Variants in KLF12 observed in about 807,000 individuals in gnomAD.
KLF12 encodes the protein Krueppel-like factor 12.
A neutral mutation model predicts 37.8 loss-of-function variants in KLF12; 9 were observed. That is an observed-to-expected ratio of 0.24 (90% CI 0.14 to 0.42). The LOEUF (loss-of-function observed/expected upper bound fraction) is 0.42. Ranked by LOEUF, KLF12 falls within the 10% of genes least tolerant of loss-of-function variation. The pLI is 1.00. For synonymous variants in KLF12, 208 were observed against 202.1 expected (o/e 1.03, Z -0.25); for missense variants, 411 against 516.0 (o/e 0.80, Z 1.97).
chr13:74,016,221 G>A (rs896836677), intron 1 of KLF12, among the ~76,000 whole-genome samples: 1 of 152,104 alleles, frequency 6.6e-6, no homozygotes, highest in Non-Finnish European at 1.5e-5. Flanking sequence ...CCATTTACAT[G>A]CGAAAGATAT....
chr13:73,990,650 TTC>T (rs1891942918), intron 2 of KLF12, among the ~76,000 whole-genome samples: 1 of 152,184 alleles, frequency 6.6e-6, no homozygotes, highest in Non-Finnish European at 1.5e-5. Flanking sequence ...AGTCAAAAGA[TTC>T]TGTTTCAAGT....
rs564475688 is a variant in KLF12, at chr13:74,133,875, G to T, written c.-168C>A. Among the ~76,000 whole-genome samples, 1 of 151,656 alleles carries T rather than the reference G, an allele frequency of 6.6e-6. No homozygotes were observed. Among genetic ancestry groups the T allele is most frequent in the East Asian group, 1.9e-4 (1 of 5,150 alleles). On this transcript the variant is annotated 5_prime_UTR_variant, in exon 1 of 8. Transcript: ENST00000377669. The stretch of plus-strand genomic sequence containing the variant: ...CTCGCACACACACGGCGTCACCCGC[G>T]CACACGCACACGCAGAGCCTCTCAG...
chr13:74,135,490 G>A (rs1402690100), upstream of KLF12, among the ~76,000 whole-genome samples: 1 of 151,798 alleles, frequency 6.6e-6, no homozygotes, highest in Non-Finnish European at 1.5e-5. Context: ...AGAGGGAGGA[G>A]GCGGCCGGGC....
the KLF12 span, among the ~76,000 whole-genome samples, chr13:74,183,827 C>T: frequency 6.6e-6 from 1 of 152,156 alleles, no homozygotes. Flanking sequence ...ATCCAAGCTA[C>T]TCAGGTGGCT....
chr13:74,196,390 G>T, the KLF12 span, among the ~76,000 whole-genome samples: 1 of 152,130 alleles, frequency 6.6e-6, no homozygotes, highest in Non-Finnish European at 1.5e-5. Context: ...TCTTGCAGGT[G>T]GGGGAGAACA....
At chr13:74,031,294 T>C (rs969114077) in intron 1 of KLF12, among the ~76,000 whole-genome samples, 11 of 152,148 alleles carry the variant, frequency 7.2e-5, no homozygotes, top group Non-Finnish European at 1.5e-4. Flanking sequence ...TAAATTAGAT[T>C]TACACTCAAC....
At chr13:73,932,489 CA>C (rs981588326) in intron 3 of KLF12, among the ~76,000 whole-genome samples, 1 of 151,652 alleles carries the variant, frequency 6.6e-6, no homozygotes, top group Non-Finnish European at 1.5e-5. Context: ...GAAAACAAAA[CA>C]AAAAAAACCT....
chr13:74,050,951 C>G (rs1323019880), intron 1 of KLF12, among the ~76,000 whole-genome samples: 1 of 152,118 alleles, frequency 6.6e-6, no homozygotes, highest in East Asian at 1.9e-4. Context: ...CTCAACACAA[C>G]TAATTATCAG....
rs1487353215 is a variant in KLF12, at chr13:74,122,798, T to C, written c.-32+10941A>G. On this transcript the variant is annotated intron_variant, in intron 1 of 7. Transcript: ENST00000377669. The stretch of plus-strand genomic sequence containing the variant: ...GTTTCAAAAAAACTCCTTCCATTTT[T>C]GTAAGCAGTGACTAAAAACTGTGTA... Among the ~76,000 whole-genome samples the C allele has an allele frequency of 2.0e-5, 3 of 152,040 alleles. No individual in the cohort carries two copies. The East Asian group carries it at 5.8e-4, about 29-fold the overall frequency.
chr13:74,002,345 CAAATT>C (rs1014130877), intron 1 of KLF12, among the ~76,000 whole-genome samples: 3 of 152,162 alleles, frequency 2.0e-5, no homozygotes, highest in Non-Finnish European at 4.4e-5. Flanking sequence ...TTTAGAATGA[CAAATT>C]ATTTTCTTAT....
intron 1 of KLF12, among the ~76,000 whole-genome samples, chr13:74,109,612 G>C (rs1372774177): frequency 6.6e-6 from 1 of 152,118 alleles, no homozygotes; most frequent in Non-Finnish European, 1.5e-5. Flanking sequence ...AAAATTGTAA[G>C]ATGTCCAAAA....
chr13:73,998,564 A>G lies in KLF12; in HGVS notation c.-31-3511T>C, dbSNP rs1019733220. ...CATTAGTTATGATCTTGTGTTTTCCAGCACCGATTTTAAAAATCAACTAAT... is the reference window on the plus strand; with the variant it reads ...CATTAGTTATGATCTTGTGTTTTCCGGCACCGATTTTAAAAATCAACTAAT... On this transcript the variant is annotated intron_variant, in intron 1 of 7. Coordinates refer to ENST00000377669, the MANE Select transcript of KLF12 (RefSeq NM_007249.5). Among the ~76,000 whole-genome samples the G allele has an allele frequency of 2.0e-5, 3 of 152,336 alleles. No homozygotes were observed. In the East Asian group the frequency reaches 5.8e-4, roughly 29 times the overall value.
intron 6 of KLF12, among the ~76,000 whole-genome samples, chr13:73,740,966 A>G (rs924632460): frequency 2.4e-4 from 37 of 152,162 alleles, no homozygotes; most frequent in African/African-American, 8.9e-4. Flanking sequence ...AGTCCTAAAA[A>G]TTCCAGGAGC....
chr13:74,125,199 T>A (rs1315852270), intron 1 of KLF12, among the ~76,000 whole-genome samples: 1 of 151,548 alleles, frequency 6.6e-6, no homozygotes, highest in African/African-American at 2.4e-5. Context: ...AGTTTATATT[T>A]AAAAAACACA....
At chr13:73,829,001 T>A (rs1345006808) in intron 4 of KLF12, among the ~76,000 whole-genome samples, 1 of 152,086 alleles carries the variant, frequency 6.6e-6, no homozygotes, top group African/African-American at 2.4e-5. Flanking sequence ...TAGCCACACC[T>A]CACCGCCACC....
Position 73,771,396 on chromosome 13 carries a change from C to A in KLF12, c.807-6396G>T, listed in dbSNP as rs553364182. Among the ~76,000 whole-genome samples the A allele has an allele frequency of 8.5e-5, 13 of 152,282 alleles. No homozygotes were observed. In the South Asian group the frequency reaches 2.7e-3, roughly 32 times the overall value. On this transcript the variant is annotated intron_variant, in intron 5 of 7. Transcript: ENST00000377669. ...ACAACTTCCAGGATGGATGCAATGA[C>A]CATGTCTGTCTAATAAACTATTGCA... is the stretch of plus-strand genomic sequence containing the variant.
chr13:73,804,308 A>G (rs1882448235), intron 5 of KLF12, among the ~76,000 whole-genome samples: 1 of 152,180 alleles, frequency 6.6e-6, no homozygotes, highest in South Asian at 2.1e-4. Flanking sequence ...TTCATTCTGT[A>G]TCTCCAGCAT....
intron 3 of KLF12, among the ~76,000 whole-genome samples, chr13:73,901,294 A>G (rs1888029156): frequency 6.6e-6 from 1 of 150,878 alleles, no homozygotes; most frequent in Non-Finnish European, 1.5e-5. Context: ...TAGTCCACCC[A>G]CATTCAACCT....
intron 1 of KLF12, among the ~76,000 whole-genome samples, chr13:74,000,601 A>T (rs369284451): frequency 3.3e-4 from 51 of 152,328 alleles, no homozygotes; most frequent in African/African-American, 1.2e-3. Flanking sequence ...CAGAAAGTAA[A>T]ATTTAATAAT....
Sources: allele counts gnomAD v4.1 joint callset (sites outside exome capture counted in the v4.1 genomes callset), GRCh38; gene constraint gnomAD v4.1.1; transcripts MANE v1.5; gene names NCBI Gene and HGNC (gene_info 2026-07-23, HGNC 2026-07-21).